SCMH1: variants seen among roughly 807,000 people sequenced by gnomAD.
The protein encoded by SCMH1 is Scm polycomb group protein homolog 1.
A neutral mutation model predicts 70.8 loss-of-function variants in SCMH1; 37 were observed. That is an observed-to-expected ratio of 0.52 (90% CI 0.40 to 0.69). SCMH1 has a LOEUF of 0.69. Among genes scored for constraint, SCMH1 ranks in the 30% least tolerant of loss-of-function variants. The pLI is 0.00. For synonymous variants in SCMH1, 292 were observed against 307.4 expected (o/e 0.95, Z 0.52); for missense variants, 607 against 827.3 (o/e 0.73, Z 3.27).
intron 1 of SCMH1, among the ~76,000 whole-genome samples, chr1:41,209,475 C>G (rs1347722287): frequency 6.6e-6 from 1 of 152,238 alleles, no homozygotes; most frequent in Non-Finnish European, 1.5e-5. Flanking sequence ...CAATAAAATA[C>G]TGGCAAACCG....
At chr1:41,181,168 C>T (rs1002823883) in intron 2 of SCMH1, among the ~76,000 whole-genome samples, 4 of 152,242 alleles carry the variant, frequency 2.6e-5, no homozygotes, top group African/African-American at 9.6e-5. Flanking sequence ...AAACTGGATC[C>T]CTTCCTTACA....
chr1:41,216,164 C>T (rs1361330629), intron 1 of SCMH1, among the ~76,000 whole-genome samples: 1 of 152,176 alleles, frequency 6.6e-6, no homozygotes, highest in Non-Finnish European at 1.5e-5. Flanking sequence ...TTATTTATCG[C>T]TAGAGCTAGT....
chr1:41,222,881 G>C (rs1358221700), intron 1 of SCMH1, among the ~76,000 whole-genome samples: 2 of 152,172 alleles, frequency 1.3e-5, no homozygotes, highest in African/African-American at 4.8e-5. Context: ...TCTGATGATA[G>C]GGTAATAGGG....
At chr1:41,164,253 T>C (rs1572757035) in intron 2 of SCMH1, among the ~76,000 whole-genome samples, 1 of 152,112 alleles carries the variant, frequency 6.6e-6, no homozygotes, top group Non-Finnish European at 1.5e-5. Flanking sequence ...AAGAAAAACA[T>C]ATGCAAGCTA....
chr1:41,186,041 C>T (rs1469012057), intron 2 of SCMH1, 80 bp downstream of exon 2: 19 of 1,472,732 alleles, frequency 1.3e-5, no homozygotes, highest in Admixed American at 2.0e-5. Context: ...TCTAATTATT[C>T]GTGAGGAATT....
chr1:41,209,840 T>C (rs887689707), intron 1 of SCMH1, among the ~76,000 whole-genome samples: 10 of 152,200 alleles, frequency 6.6e-5, no homozygotes, highest in African/African-American at 2.4e-4. Context: ...CTATTCAACA[T>C]AGTGTTGGAA....
rs965529430 is a variant in SCMH1 at position 41,230,425 on chromosome 1, G to A, written c.-118+11634C>T. Among the ~76,000 whole-genome samples, 33 of 152,192 alleles carry A rather than the reference G, an allele frequency of 2.2e-4. 1 individual carries two copies. Among genetic ancestry groups the A allele is most frequent in the African/African-American group, 7.2e-4 (30 of 41,514 alleles). ...TCCCAGCACTTCAGGAGGCTGAGGC[G>A]GGAGGATCACTGGAGCCCAGGAGTT... On this transcript the variant is annotated intron_variant, in intron 1 of 14. Transcript: ENST00000337495.
intron 8 of SCMH1, among the ~76,000 whole-genome samples, chr1:41,110,605 A>G (rs765258585): frequency 2.6e-5 from 4 of 152,200 alleles, no homozygotes; most frequent in Non-Finnish European, 5.9e-5. Flanking sequence ...TCTATACTGT[A>G]GCATGTATTA....
intron 2 of SCMH1, among the ~76,000 whole-genome samples, chr1:41,168,244 T>C (rs149591349): frequency 6.6e-6 from 1 of 152,286 alleles, no homozygotes; most frequent in East Asian, 1.9e-4. Context: ...TATTTCTTCT[T>C]TTTCTGACAT....
chr1:41,029,284 C>G (rs1424260343), intron 13 of SCMH1, among the ~76,000 whole-genome samples: 1 of 152,230 alleles, frequency 6.6e-6, no homozygotes, highest in Non-Finnish European at 1.5e-5. Context: ...GCCATCTCAG[C>G]TCACTGCAAC....
At chr1:41,155,984 C>CAAAAAAAAAAAAAAAAAAAAAAAAAA (rs386366781) in intron 4 of SCMH1, among the ~76,000 whole-genome samples, 1 of 74,652 alleles carries the variant, frequency 1.3e-5, no homozygotes, top group Non-Finnish European at 2.4e-5. Context: ...GACTCCGTCT[C>CAAAAAAAAAAAAAAAAAAAAAAAAAA]AAAAAAAAAA....
chr1:41,065,323 G>A (rs1310431866), intron 10 of SCMH1, among the ~76,000 whole-genome samples: 1 of 152,164 alleles, frequency 6.6e-6, no homozygotes, highest in East Asian at 1.9e-4. Flanking sequence ...TACAAAATTA[G>A]CTAGGTATAG....
chr1:41,087,328 T>C (rs1467520083), intron 8 of SCMH1, among the ~76,000 whole-genome samples: 1 of 152,066 alleles, frequency 6.6e-6, no homozygotes, highest in Non-Finnish European at 1.5e-5. Context: ...AATTTAACTA[T>C]AAAATTAAAA....
At chr1:41,186,197 A>G (rs2148638298) in exon 2 of SCMH1, 4 of 900,760 alleles carry the variant, frequency 4.4e-6, no homozygotes, top group Non-Finnish European at 5.4e-6. Context: ...GGATCCACCA[A>G]TACCTTGCTC....
intron 1 of SCMH1, among the ~76,000 whole-genome samples, chr1:41,225,323 G>A (rs1262310409): frequency 2.0e-5 from 3 of 152,174 alleles, no homozygotes. Flanking sequence ...GTGGGGAGAA[G>A]TGAGCAAGGA....
At chr1:41,033,929 T>G in intron 13 of SCMH1, 54 bp downstream of exon 14, 4 of 1,612,038 alleles carry the variant, frequency 2.5e-6, no homozygotes, top group Non-Finnish European at 3.4e-6. Context: ...CAAAGTACTC[T>G]TCTCAGAAAC....
At chr1:41,046,247 G>T (rs577135782) in intron 12 of SCMH1, among the ~76,000 whole-genome samples, 160 bp downstream of exon 12, 1 of 152,330 alleles carries the variant, frequency 6.6e-6, no homozygotes, top group East Asian at 1.9e-4. Flanking sequence ...ATGAGAGGAG[G>T]CTGAGAAGTC....
At chr1:41,117,308 C>CCAG (rs1156764516) in intron 6 of SCMH1, among the ~76,000 whole-genome samples, 2 of 151,784 alleles carry the variant, frequency 1.3e-5, no homozygotes, top group Admixed American at 6.6e-5. Context: ...GCTGAGGGGA[C>CCAG]ATAGTGAGAA....
intron 1 of SCMH1, among the ~76,000 whole-genome samples, chr1:41,212,595 T>C (rs570143658): frequency 7.9e-5 from 12 of 152,236 alleles, no homozygotes; most frequent in Admixed American, 4.6e-4. Context: ...TAACCAAACA[T>C]AGGCAAAAGA....
Sources: allele counts gnomAD v4.1 joint callset (sites outside exome capture counted in the v4.1 genomes callset), GRCh38; gene constraint gnomAD v4.1.1; transcripts MANE v1.5; gene names NCBI Gene and HGNC (gene_info 2026-07-23, HGNC 2026-07-21).